Variants in STK32A observed in about 807,000 individuals in gnomAD.
STK32A encodes serine/threonine kinase 32A.
Under a neutral mutation model 53.2 loss-of-function variants are expected in STK32A, and 41 were observed. That is an observed-to-expected ratio of 0.77 (90% confidence interval 0.60 to 1.00). STK32A has a LOEUF of 1.00. Among genes scored for constraint, STK32A ranks in the 50% least tolerant of loss-of-function variants. The probability of loss-of-function intolerance (pLI) is 0.00; values close to 1 mark genes in which losing one functional copy is unlikely to be tolerated. For synonymous variants in STK32A, 166 were observed against 162.8 expected, an observed-to-expected ratio of 1.02 and a Z score of -0.15; for missense variants, 458 against 485.8, an observed-to-expected ratio of 0.94 and a Z score of 0.54.
chr5:147,393,722 A>T, the STK32A span: 1 of 253,770 alleles, frequency 3.9e-6, no homozygotes, highest in Non-Finnish European at 7.7e-6. Context: ...CCTTGTCATA[A>T]GATGCAGCAC....
intron 6 of STK32A, among the ~76,000 whole-genome samples, chr5:147,343,819 A>T (rs1046608520): frequency 3.3e-5 from 5 of 152,254 alleles, no homozygotes; most frequent in Admixed American, 6.5e-5. Flanking sequence ...GAGAAAAATC[A>T]GTTAAAGAAA....
rs1753249540 is a variant in STK32A at position 147,235,038 on chromosome 5, C to CCCAGA, written c.-254_-253insACCAG. The CCCAGA allele has an allele frequency of 6.5e-6, 1 of 153,830 alleles. No homozygotes were observed. Among genetic ancestry groups the CCCAGA allele is most frequent in the African/African-American group, 2.4e-5 (1 of 41,388 alleles). 9.5% of individuals were successfully genotyped at this position (153,830 alleles called of 1,614,324 possible). ...CCCAGCCCAGCTCAGTCCAGCGCAGCCCAGCCCAGCCCAGCCCGGCGCTCG... is the reference window on the plus strand; with the variant it reads ...CCCAGCCCAGCTCAGTCCAGCGCAGCCCAGACCAGCCCAGCCCAGCCCGGCGCTCG... On this transcript the variant is annotated 5_prime_UTR_variant, in exon 1 of 13. Coordinates refer to ENST00000397936, the MANE Select transcript of STK32A (RefSeq NM_001112724.2).
At chr5:147,345,188 C>T (rs747649429) in intron 6 of STK32A, among the ~76,000 whole-genome samples, 4 of 152,126 alleles carry the variant, frequency 2.6e-5, no homozygotes, top group African/African-American at 4.8e-5. Context: ...GTTGCCTAAA[C>T]TTTGTCTTAG....
chr5:147,253,142 G>A (rs1161970515), intron 2 of STK32A, among the ~76,000 whole-genome samples: 1 of 152,210 alleles, frequency 6.6e-6, no homozygotes, highest in East Asian at 1.9e-4. Flanking sequence ...ATATTTAAAT[G>A]TGAAAATACA....
chr5:147,302,801 A>T (rs950196335), intron 4 of STK32A, among the ~76,000 whole-genome samples: 1 of 152,214 alleles, frequency 6.6e-6, no homozygotes, highest in South Asian at 2.1e-4. Context: ...AAATCAATTT[A>T]GAAGATCCTG....
At chr5:147,394,630 G>A in the STK32A span, among the ~76,000 whole-genome samples, 16 of 151,374 alleles carry the variant, frequency 1.1e-4, no homozygotes, top group African/African-American at 2.9e-4. Flanking sequence ...GGTCTATTCA[G>A]AAAGGAGCCT....
At chr5:147,305,844 G>A (rs1228090643) in intron 4 of STK32A, among the ~76,000 whole-genome samples, 3 of 151,448 alleles carry the variant, frequency 2.0e-5, no homozygotes, top group Admixed American at 1.3e-4. Flanking sequence ...ATTCTTATTT[G>A]TTCTTTTGGC....
At chr5:147,296,045 C>G (rs1251969890) in intron 4 of STK32A, among the ~76,000 whole-genome samples, 2 of 152,146 alleles carry the variant, frequency 1.3e-5, no homozygotes, top group African/African-American at 2.4e-5. Flanking sequence ...AGGCAGAAAC[C>G]CTTACAAATG....
intron 1 of STK32A, among the ~76,000 whole-genome samples, chr5:147,238,851 T>C (rs1006575543): frequency 2.0e-5 from 3 of 151,788 alleles, no homozygotes; most frequent in Non-Finnish European, 4.4e-5. Context: ...ACATAATATA[T>C]ACGTTAATAT....
intron 2 of STK32A, among the ~76,000 whole-genome samples, chr5:147,267,591 G>A (rs1581015104): frequency 6.6e-6 from 1 of 152,262 alleles, no homozygotes; most frequent in Admixed American, 6.5e-5. Flanking sequence ...TTAATAGACA[G>A]TAATGTAATT....
chr5:147,248,431 G>T (rs183361934), intron 2 of STK32A, among the ~76,000 whole-genome samples: 2,203 of 152,190 alleles, frequency 0.014, 64 homozygotes, highest in African/African-American at 0.051. Flanking sequence ...GGTAAAATAT[G>T]CTATTTTTGT....
At chr5:147,289,764 C>T (rs962265048) in intron 4 of STK32A, among the ~76,000 whole-genome samples, 1 of 152,016 alleles carries the variant, frequency 6.6e-6, no homozygotes, top group East Asian at 1.9e-4. Flanking sequence ...ATTCTTATCA[C>T]CTTGTAACAA....
chr5:147,263,206 G>A (rs1046310682), intron 2 of STK32A, among the ~76,000 whole-genome samples: 5 of 152,162 alleles, frequency 3.3e-5, no homozygotes, highest in African/African-American at 9.7e-5. Context: ...TAAAGAGAAC[G>A]ACAGAATATT....
At chr5:147,317,173 C>T (rs910375584) in intron 4 of STK32A, among the ~76,000 whole-genome samples, 91 of 149,702 alleles carry the variant, frequency 6.1e-4, no homozygotes, top group African/African-American at 2.2e-3. Flanking sequence ...CTAACCTAAA[C>T]TTGAACAAGC....
At chr5:147,341,312 C>T (rs898909325) in intron 5 of STK32A, among the ~76,000 whole-genome samples, 3 of 152,184 alleles carry the variant, frequency 2.0e-5, no homozygotes, top group Non-Finnish European at 4.4e-5. Flanking sequence ...TGATGGTGTG[C>T]ACAGTGCTCT....
chr5:147,272,711 T>C (rs1755093793), intron 2 of STK32A, among the ~76,000 whole-genome samples: 1 of 152,242 alleles, frequency 6.6e-6, no homozygotes, highest in Non-Finnish European at 1.5e-5. Flanking sequence ...ATAATTGTTG[T>C]ACTTAAAAAA....
chr5:147,383,718 G>A (rs1390555904), intron 12 of STK32A, among the ~76,000 whole-genome samples, 172 bp from the exon 13 acceptor site: 1 of 152,118 alleles, frequency 6.6e-6, no homozygotes, highest in Non-Finnish European at 1.5e-5. Context: ...TTTTGTTTGT[G>A]AGAAGGGAAG....
chr5:147,287,017 C>G (rs946603640), intron 4 of STK32A, among the ~76,000 whole-genome samples: 3 of 152,142 alleles, frequency 2.0e-5, no homozygotes, highest in Admixed American at 6.6e-5. Flanking sequence ...AAAACTGTTG[C>G]TTTGTAGCGT....
At chr5:147,298,296 T>C (rs1445375518) in intron 4 of STK32A, among the ~76,000 whole-genome samples, 1 of 152,210 alleles carries the variant, frequency 6.6e-6, no homozygotes, top group Non-Finnish European at 1.5e-5. Context: ...TTTGTTCACC[T>C]CTTGAATGGA....
Sources: gnomAD v4.1 joint callset for allele counts (sites outside exome capture counted in the v4.1 genomes callset) on GRCh38, gnomAD v4.1.1 for gene constraint, MANE v1.5 for transcripts, NCBI Gene and HGNC (gene_info 2026-07-23, HGNC 2026-07-21) for gene names.